The following EFHC1 variants were observed in gnomAD, a reference collection of about 807,000 sequenced individuals.
EFHC1 encodes the protein EF-hand domain containing 1, also known as EF-hand domain-containing protein 1.
In EFHC1, 53 loss-of-function variants were observed where a neutral mutation model predicts 69.9. That is an observed-to-expected ratio of 0.76 (90% CI 0.61 to 0.95). The LOEUF (loss-of-function observed/expected upper bound fraction) is 0.95. Among genes scored for constraint, EFHC1 ranks in the 40% least tolerant of loss-of-function variants. The pLI, the probability that EFHC1 is intolerant of heterozygous loss-of-function variation, is 0.00. For synonymous variants in EFHC1, 256 were observed against 278.4 expected (o/e 0.92, Z 0.80); for missense variants, 739 against 798.7 (o/e 0.93, Z 0.90).
chr6:52,493,468 T>C lies in EFHC1; in HGVS notation c.*1127T>C. 1 of 396,518 alleles carries C rather than the reference T, an allele frequency of 2.5e-6. No individual in the cohort carries two copies. Among genetic ancestry groups the C allele is most frequent in the South Asian group, 1.8e-5 (1 of 54,722 alleles). The allele number at this position is 396,518 out of a possible 1,614,324, so 24.6% of individuals were successfully genotyped here. The stretch of plus-strand genomic sequence containing the variant: ...TGTGTATATATATTATGTATATACA[T>C]ATATGTGCACACATCTCTACTAAAA... On this transcript the variant is annotated 3_prime_UTR_variant, in exon 11 of 11. Coordinates refer to ENST00000371068, the MANE Select transcript of EFHC1 (RefSeq NM_018100.4).
chr6:52,481,513 T>C (rs1338149725), intron 9 of EFHC1: 1 of 111,914 alleles, frequency 8.9e-6, no homozygotes, highest in Non-Finnish European at 1.9e-5. Context: ...GATCTCTCTC[T>C]CTCTCTCTCT....
intron 9 of EFHC1, chr6:52,485,703 C>G (rs563177829): frequency 6.6e-6 from 1 of 152,220 alleles, no homozygotes; most frequent in African/African-American, 2.4e-5. Context: ...CTTCTCTTAT[C>G]ATGTGATCTC....
intron 5 of EFHC1, among the ~76,000 whole-genome samples, chr6:52,456,965 C>A (rs1192667294): frequency 2.0e-5 from 3 of 152,086 alleles, no homozygotes; most frequent in African/African-American, 7.2e-5. Context: ...GCTATGTTCC[C>A]ATCAGCTACA....
chr6:52,444,603 G>A (rs1186885878), intron 3 of EFHC1, among the ~76,000 whole-genome samples: 3 of 152,142 alleles, frequency 2.0e-5, no homozygotes, highest in African/African-American at 7.2e-5. Context: ...ATTGATTCGT[G>A]TATGTTGAAC....
intron 2 of EFHC1, among the ~76,000 whole-genome samples, chr6:52,435,792 T>G (rs1764519936): frequency 6.6e-6 from 1 of 152,226 alleles, no homozygotes. Context: ...TCTAAAATCT[T>G]TCACTCTTCA....
chr6:52,479,959 T>A (rs1459504659), intron 9 of EFHC1, 172 bp downstream of exon 9: 2 of 1,022,602 alleles, frequency 2.0e-6, no homozygotes, highest in African/African-American at 3.2e-5. Context: ...AACTTAGAAC[T>A]TTTTCAACTT....
chr6:52,482,271 A>G (rs75225303), intron 9 of EFHC1: 4,503 of 152,054 alleles, frequency 0.03, 119 homozygotes, highest in East Asian at 0.14. Flanking sequence ...TGAACCCAGG[A>G]GGCGGAGGTC....
intron 6 of EFHC1, among the ~76,000 whole-genome samples, chr6:52,465,950 T>C (rs534353296): frequency 6.6e-6 from 1 of 150,686 alleles, no homozygotes; most frequent in Non-Finnish European, 1.5e-5. Context: ...TATTATGACA[T>C]ATAGATATAG....
At chr6:52,469,311 C>T (rs1765381695) in intron 6 of EFHC1, 22 bp from the exon 7 acceptor site, 1 of 1,613,754 alleles carries the variant, frequency 6.2e-7, no homozygotes, top group East Asian at 2.2e-5. Flanking sequence ...TGCCTTACTT[C>T]TTGCTTCCTA....
In EFHC1 at chr6:52,493,098, C is replaced by CCTGACTG. The variant is rs1387584136; in HGVS notation, c.*758_*764dup. The CCTGACTG allele has an allele frequency of 2.2e-6, 1 of 453,882 alleles. No homozygotes were observed. The highest frequency in any genetic ancestry group is 4.4e-6 in the Non-Finnish European group (1 of 226,774). The allele number at this position is 453,882 out of a possible 1,614,324, so 28.1% of individuals were successfully genotyped here. On this transcript the variant is annotated 3_prime_UTR_variant, in exon 11 of 11. Coordinates refer to ENST00000371068, the MANE Select transcript of EFHC1 (RefSeq NM_018100.4). The stretch of plus-strand genomic sequence containing the variant: ...TCCCCAGGTAAGAGAATTCCTCCTG[C>CCTGACTG]CTGACTGGCTTCAAATTGGAACATC...
rs577496162 is a variant in EFHC1 at position 52,423,077 on chromosome 6, T to A, written c.64-869T>A. 4.6e-4 allele frequency among the ~76,000 whole-genome samples: 70 copies of A among 152,326 alleles called. 1 individual carries two copies. The highest frequency in any genetic ancestry group is 1.6e-3 in the African/African-American group (65 of 41,576). On this transcript the variant is annotated intron_variant, in intron 1 of 10. Coordinates refer to ENST00000371068, the MANE Select transcript of EFHC1 (RefSeq NM_018100.4). ...GCTTCAGGCATATAGTTCTTTCTCA[T>A]AATTCTGAATCATATTCGTAAATAA...
rs1387195802 is a variant in EFHC1, at chr6:52,452,999, A to T, written c.723+162A>T. 1.9e-6 allele frequency: 3 copies of T among 1,550,524 alleles called. No individual in the cohort carries two copies. The African/African-American group carries it at 4.1e-5, about 21-fold the overall frequency. ...TGTCTTTCTGCTTTCATCAAGGGTT[A>T]CAGGTACAGGAATGCCTACATTTCA... On this transcript the variant is annotated intron_variant, in intron 4 of 10. Transcript: ENST00000371068.
In EFHC1 at chr6:52,424,006, C is replaced by T. The variant is rs748229072; in HGVS notation, c.124C>T (p.Arg42Cys). ...SYRNGYAIVR[R>C]PTVGIGGDRL... ...CAGGAACGGCTATGCAATTGTTCGA[C>T]GTCCAACAGTTGGGATAGGCGGAGA... The change falls in exon 2 of 11, where the codon CGT (arginine) becomes TGT (cysteine). Residue 42 changes from arginine (R) to cysteine (C), a missense_variant. Transcript: ENST00000371068. The T allele has an allele frequency of 3.0e-5, 48 of 1,614,000 alleles. No individual in the cohort carries two copies. In the South Asian group the frequency reaches 3.5e-4, roughly 12 times the overall value.
intron 3 of EFHC1, among the ~76,000 whole-genome samples, chr6:52,448,036 G>A (rs2113988830): frequency 6.6e-6 from 1 of 152,368 alleles, no homozygotes; most frequent in Admixed American, 6.5e-5. Flanking sequence ...CACTTGAGGA[G>A]GCAGTCTGTC....
intron 6 of EFHC1, among the ~76,000 whole-genome samples, chr6:52,467,126 G>C (rs1013524992): frequency 1.3e-5 from 2 of 151,750 alleles, no homozygotes; most frequent in African/African-American, 4.8e-5. Context: ...CCAGGAGGTA[G>C]AGTAGTGAGA....
intron 3 of EFHC1, among the ~76,000 whole-genome samples, chr6:52,442,451 C>T (rs1764686621): frequency 1.3e-5 from 2 of 152,036 alleles, no homozygotes; most frequent in Non-Finnish European, 2.9e-5. Context: ...CCCACACCCC[C>T]CACCCTATGA....
At chr6:52,434,818 A>G (rs1223644044) in intron 2 of EFHC1, among the ~76,000 whole-genome samples, 3 of 152,140 alleles carry the variant, frequency 2.0e-5, no homozygotes, top group East Asian at 1.9e-4. Context: ...TAATAAATAG[A>G]TAAGTGCCTT....
intron 3 of EFHC1, among the ~76,000 whole-genome samples, chr6:52,439,200 T>A (rs1407584177): frequency 6.6e-6 from 1 of 152,172 alleles, no homozygotes; most frequent in Non-Finnish European, 1.5e-5. Flanking sequence ...AGGTGGCCTT[T>A]CTTTACTACA....
At chr6:52,460,044 G>T (rs1023243000) in intron 5 of EFHC1, among the ~76,000 whole-genome samples, 20 of 152,108 alleles carry the variant, frequency 1.3e-4, no homozygotes, top group Non-Finnish European at 2.8e-4. Context: ...TTGGGTATTT[G>T]CCAAGAGAAA....
Sources: allele counts gnomAD v4.1 joint callset (sites outside exome capture counted in the v4.1 genomes callset), GRCh38; gene constraint gnomAD v4.1.1; transcripts MANE v1.5; gene names NCBI Gene and HGNC (gene_info 2026-07-23, HGNC 2026-07-21).